ST8SIA2: variants seen among roughly 807,000 people sequenced by gnomAD.
ST8SIA2 encodes ST8 alpha-N-acetyl-neuraminide alpha-2,8-sialyltransferase 2.
In ST8SIA2, 22 loss-of-function variants were observed where a neutral mutation model predicts 37.6. The observed-to-expected ratio is 0.58, with a 90% CI of 0.42 to 0.83. The LOEUF is 0.83. ST8SIA2 is among the 40% of genes least tolerant of loss of function. The probability of loss-of-function intolerance (pLI) is 0.00; values close to 1 mark genes in which losing one functional copy is unlikely to be tolerated. For synonymous variants in ST8SIA2, 205 were observed against 201.2 expected (o/e 1.02, Z -0.16); for missense variants, 382 against 484.7 (o/e 0.79, Z 1.99).
rs193069908 is a variant in ST8SIA2 at position 92,464,810 on chromosome 15, G to A, written c.*425G>A. The A allele has an allele frequency of 1.1e-3, 238 of 208,878 alleles. 2 individuals carry two copies. The highest frequency in any genetic ancestry group is 5.2e-3 in the African/African-American group (223 of 42,926). The allele number at this position is 208,878 out of a possible 1,614,324, so 12.9% of individuals were successfully genotyped here. ...CCAAGCCTCTGGGATATGTGGATTC[G>A]GAGAAAGCTGAGGCCCAGAGGGGAC... On this transcript the variant is annotated 3_prime_UTR_variant, in exon 6 of 6. Coordinates refer to ENST00000268164, the MANE Select transcript of ST8SIA2 (RefSeq NM_006011.4).
intron 5 of ST8SIA2, among the ~76,000 whole-genome samples, chr15:92,462,458 A>G (rs779898308): frequency 1.3e-4 from 20 of 152,224 alleles, no homozygotes; most frequent in Non-Finnish European, 2.9e-4. Context: ...TTGCAAAAAT[A>G]AAGAAGTATT....
chr15:92,398,067 G>T (rs2049444242), intron 1 of ST8SIA2, among the ~76,000 whole-genome samples: 1 of 152,204 alleles, frequency 6.6e-6, no homozygotes, highest in African/African-American at 2.4e-5. Context: ...CTGGGAGGAA[G>T]AGGTTGCAGT....
intron 5 of ST8SIA2, among the ~76,000 whole-genome samples, chr15:92,446,700 T>C (rs1396980081): frequency 6.6e-6 from 1 of 152,170 alleles, no homozygotes; most frequent in Non-Finnish European, 1.5e-5. Flanking sequence ...ATCAGGAAAC[T>C]CTTCTCTAGA....
intron 1 of ST8SIA2, among the ~76,000 whole-genome samples, chr15:92,427,857 G>A (rs2049688041): frequency 6.6e-6 from 1 of 152,178 alleles, no homozygotes; most frequent in East Asian, 1.9e-4. Context: ...AATGGCAGGT[G>A]CCTGTAATCC....
intron 5 of ST8SIA2, among the ~76,000 whole-genome samples, chr15:92,448,678 T>G (rs1233522323): frequency 6.6e-6 from 1 of 152,194 alleles, no homozygotes; most frequent in Non-Finnish European, 1.5e-5. Context: ...ACCTGCCACT[T>G]GGAGAGCTAC....
At chr15:92,461,455 T>C (rs1169085042) in intron 5 of ST8SIA2, among the ~76,000 whole-genome samples, 1 of 152,126 alleles carries the variant, frequency 6.6e-6, no homozygotes, top group Non-Finnish European at 1.5e-5. Flanking sequence ...AGAGATAACC[T>C]TCCAGGACCC....
intron 1 of ST8SIA2, among the ~76,000 whole-genome samples, chr15:92,419,881 CTTT>C (rs2141819441): frequency 6.6e-6 from 1 of 152,094 alleles, no homozygotes; most frequent in African/African-American, 2.4e-5. Flanking sequence ...TTGTTTGTTT[CTTT>C]GAGATAGAGT....
At chr15:92,418,622 T>A (rs1346628018) in intron 1 of ST8SIA2, among the ~76,000 whole-genome samples, 1 of 152,256 alleles carries the variant, frequency 6.6e-6, no homozygotes, top group East Asian at 1.9e-4. Context: ...GGGACAAGAA[T>A]GATCATTTGG....
Position 92,464,512 on chromosome 15 carries a change from A to T in ST8SIA2, c.*127A>T. On this transcript the variant is annotated 3_prime_UTR_variant, in exon 6 of 6. Transcript: ENST00000268164. ...GGTTTTCTTTGTTAAAGTGTAAAACAGTGACCAGAATATATATATCTATAC... is the reference window on the plus strand; with the variant it reads ...GGTTTTCTTTGTTAAAGTGTAAAACTGTGACCAGAATATATATATCTATAC... 2 of 993,220 alleles carry T rather than the reference A, an allele frequency of 2.0e-6. No individual in the cohort carries two copies. The highest frequency in any genetic ancestry group is 3.2e-6 in the Non-Finnish European group (2 of 633,024). The allele number at this position is 993,220 out of a possible 1,614,324, so 61.5% of individuals were successfully genotyped here.
intron 1 of ST8SIA2, among the ~76,000 whole-genome samples, chr15:92,423,832 C>G (rs1311026916): frequency 6.6e-6 from 1 of 152,216 alleles, no homozygotes; most frequent in African/African-American, 2.4e-5. Flanking sequence ...TCAAGCATAG[C>G]AGATGGTAAA....
At chr15:92,427,544 A>AT (rs957694377) in intron 1 of ST8SIA2, among the ~76,000 whole-genome samples, 29 of 151,404 alleles carry the variant, frequency 1.9e-4, no homozygotes, top group Non-Finnish European at 3.0e-4. Flanking sequence ...ATCTGTCGAC[A>AT]TTTTTTTTTG....
rs1405551496 is a variant in ST8SIA2 at position 92,465,319 on chromosome 15, A to C, written c.*934A>C. The C allele has an allele frequency of 6.6e-6, 1 of 152,186 alleles. No individual in the cohort carries two copies. Among genetic ancestry groups the C allele is most frequent in the African/African-American group, 2.4e-5 (1 of 41,442 alleles). The allele number at this position is 152,186 out of a possible 1,614,324, so 9.4% of individuals were successfully genotyped here. ...GGGTTAGTCTCTGTCTCACCCTGTT[A>C]GAATGTCACGAGGGACTGTACTGTC... On this transcript the variant is annotated 3_prime_UTR_variant, in exon 6 of 6. Coordinates refer to ENST00000268164, the MANE Select transcript of ST8SIA2 (RefSeq NM_006011.4).
At chr15:92,451,951 G>A (rs745320286) in intron 5 of ST8SIA2, among the ~76,000 whole-genome samples, 4 of 152,122 alleles carry the variant, frequency 2.6e-5, no homozygotes, top group Non-Finnish European at 5.9e-5. Context: ...GGCCAGGATG[G>A]GTTTGAGTTT....
chr15:92,395,717 C>T (rs368264378), intron 1 of ST8SIA2, among the ~76,000 whole-genome samples: 38 of 152,288 alleles, frequency 2.5e-4, no homozygotes, highest in Middle Eastern at 6.8e-3. Flanking sequence ...ATGGAAGATG[C>T]GGTGAGGAGG....
chr15:92,397,867 T>A (rs1432331946), intron 1 of ST8SIA2, among the ~76,000 whole-genome samples: 1 of 152,202 alleles, frequency 6.6e-6, no homozygotes, highest in African/African-American at 2.4e-5. Flanking sequence ...GAACGGTGGC[T>A]CACGCCTGTA....
chr15:92,454,209 A>G (rs1233585143), intron 5 of ST8SIA2, among the ~76,000 whole-genome samples: 1 of 152,128 alleles, frequency 6.6e-6, no homozygotes, highest in Non-Finnish European at 1.5e-5. Flanking sequence ...GGTTGGTCCC[A>G]TCTGAGGGCT....
rs1476864623 is a variant in ST8SIA2, at chr15:92,468,154, C to T, written c.*3769C>T. 3 of 152,626 alleles carry T rather than the reference C, an allele frequency of 2.0e-5. No individual in the cohort carries two copies. The highest frequency in any genetic ancestry group is 4.4e-5 in the Non-Finnish European group (3 of 68,054). The allele number at this position is 152,626 out of a possible 1,614,324, so 9.5% of individuals were successfully genotyped here. A position where few individuals can be genotyped will look rare whatever the true frequency, so the allele number is the denominator to read the frequency against. On this transcript the variant is annotated 3_prime_UTR_variant, in exon 6 of 6. Transcript: ENST00000268164. ...GCAACAGTCTCATCTCCCAGATTAC[C>T]TCTGTGCACACTGACACGTGGTCCC...
At chr15:92,430,155 C>T (rs2141827885) in intron 2 of ST8SIA2, 44 bp downstream of exon 2, 3 of 1,584,624 alleles carry the variant, frequency 1.9e-6, no homozygotes, top group East Asian at 4.5e-5. Context: ...TGCTGTAAGG[C>T]AGCTATTAAT....
At chr15:92,449,380 T>C (rs1352695171) in intron 5 of ST8SIA2, among the ~76,000 whole-genome samples, 1 of 152,266 alleles carries the variant, frequency 6.6e-6, no homozygotes, top group Admixed American at 6.5e-5. Context: ...ATGGTGTATA[T>C]GTACCACATT....
Sources: gnomAD v4.1 joint callset for allele counts (sites outside exome capture counted in the v4.1 genomes callset) on GRCh38, gnomAD v4.1.1 for gene constraint, MANE v1.5 for transcripts, NCBI Gene and HGNC (gene_info 2026-07-23, HGNC 2026-07-21) for gene names.